The following RGR variants were observed in gnomAD, a reference collection of about 807,000 sequenced individuals.
The protein encoded by RGR is RPE-retinal G protein-coupled receptor.
A neutral mutation model predicts 28.6 loss-of-function variants in RGR; 30 were observed. The ratio of observed to expected loss-of-function variants is 1.05; its 90% CI spans 0.78 to 1.42. The LOEUF (loss-of-function observed/expected upper bound fraction) is 1.42, where lower values mean the gene tolerates loss of function less well. Among genes scored for constraint, RGR ranks in the 40% most tolerant of loss-of-function variants. The pLI, the probability that RGR is intolerant of heterozygous loss-of-function variation, is 0.00. For synonymous variants in RGR, 180 were observed against 156.4 expected (o/e 1.15, Z -1.13); for missense variants, 404 against 375.6 (o/e 1.08, Z -0.62).
chr10:84,253,268 G>A (rs573459440), intron 4 of RGR, among the ~76,000 whole-genome samples: 2 of 152,234 alleles, frequency 1.3e-5, no homozygotes, highest in Admixed American at 1.3e-4. Context: ...CATCATACAG[G>A]GAGCCATTGG....
rs1193660118 is a variant in RGR, at chr10:84,259,830, TATATATTCTGG to T, written c.*1206_*1216del. ...TATTCTGGATAATATATAATAGTCT[TATATATTCTGG>T]ATATATTCTGGATACATGGTTTGCA... On this transcript the variant is annotated 3_prime_UTR_variant, in exon 7 of 7. Coordinates refer to ENST00000652092, the MANE Select transcript of RGR (RefSeq NM_001012720.2). The T allele has an allele frequency of 4.6e-5, 7 of 152,200 alleles. No homozygotes were observed. The highest frequency in any genetic ancestry group is 9.6e-5 in the African/African-American group (4 of 41,460). 9.4% of individuals were successfully genotyped at this position (152,200 alleles called of 1,614,324 possible). A position where few individuals can be genotyped will look rare whatever the true frequency, so the allele number is the denominator to read the frequency against.
At position 84,245,117 on chromosome 10, in the gene RGR, T is replaced by C. The variant is rs2279227; in HGVS notation, c.27T>C (p.Thr9=). 814,740 of 1,612,688 alleles carry C rather than the reference T, an allele frequency of 0.51. 213,389 individuals are homozygous for C. Among genetic ancestry groups the C allele is most frequent in the African/African-American group, 0.91 (68,225 of 74,934 alleles). The change falls in exon 1 of 7, where the codon ACT becomes ACC. Residue 9 remains threonine, a synonymous_variant. Transcript: ENST00000652092. MAETSALP[T]GFGELEVLAV... ...TGGCAGAGACCAGTGCCCTGCCCAC[T>C]GGCTTCGGGGAGCTCGAGGTGCTGG...
chr10:84,249,039 C>A lies in RGR; in HGVS notation c.354C>A (p.Cys118Ter). 1.9e-6 allele frequency: 3 copies of A among 1,613,946 alleles called. No homozygotes were observed. The highest frequency in any genetic ancestry group is 2.5e-6 in the Non-Finnish European group (3 of 1,179,858). ...AIAWGRYHHY[C>*]TRSQLAWNSA... ...CATGGGGGCGTTATCACCACTACTGCACCCGTATGTATCTGGGCTCCTGGA... is the reference window on the plus strand; with the variant it reads ...CATGGGGGCGTTATCACCACTACTGAACCCGTATGTATCTGGGCTCCTGGA... Residue 118 changes from cysteine (C) to a stop codon, truncating the protein, a stop_gained, in exon 3 of 7, where the codon TGC becomes TGA. Transcript: ENST00000652092. LOFTEE classifies it high-confidence loss of function.
chr10:84,255,146 G>T, intron 5 of RGR: 1 of 156,152 alleles, frequency 6.4e-6, no homozygotes, highest in Admixed American at 6.1e-5. Flanking sequence ...GGGACACCAG[G>T]GAATATGAAC....
In RGR at chr10:84,259,692, T is replaced by G. The variant is rs1002947959; in HGVS notation, c.*1053T>G. The G allele has an allele frequency of 6.6e-6, 1 of 152,174 alleles. No individual in the cohort carries two copies. The highest frequency in any genetic ancestry group is 1.5e-5 in the Non-Finnish European group (1 of 68,030). The allele number at this position is 152,174 out of a possible 1,614,324, so 9.4% of individuals were successfully genotyped here. A position where few individuals can be genotyped will look rare whatever the true frequency, so the allele number is the denominator to read the frequency against. On this transcript the variant is annotated 3_prime_UTR_variant, in exon 7 of 7. Coordinates refer to ENST00000652092, the MANE Select transcript of RGR (RefSeq NM_001012720.2). ...TTCTTAGCCACGTGTATGTATTCTT[T>G]TTGAAAAAATGTTTATTCATGTCTT...
chr10:84,257,347 G>T (rs1444597242), intron 5 of RGR, among the ~76,000 whole-genome samples: 21 of 151,136 alleles, frequency 1.4e-4, no homozygotes, highest in Admixed American at 1.4e-3. Flanking sequence ...CTGTAGCTGT[G>T]GATGACGAGT....
intron 1 of RGR, among the ~76,000 whole-genome samples, chr10:84,245,394 G>C (rs921893918): frequency 1.3e-5 from 2 of 152,196 alleles, no homozygotes; most frequent in Non-Finnish European, 2.9e-5. Flanking sequence ...GCCAGGCAAG[G>C]GTCAGGGAGG....
chr10:84,248,060 A>C (rs1462339094), intron 2 of RGR: 10 of 566,730 alleles, frequency 1.8e-5, no homozygotes, highest in Non-Finnish European at 2.6e-5. Context: ...TTCTTCCATA[A>C]ATCGGATATT....
At chr10:84,252,519 T>C (rs1047066381) in intron 3 of RGR, among the ~76,000 whole-genome samples, 30 of 152,202 alleles carry the variant, frequency 2.0e-4, no homozygotes, top group Non-Finnish European at 3.4e-4. Context: ...GAGGCAAGGA[T>C]TATCATTCCC....
chr10:84,250,274 T>A (rs1429515099), intron 3 of RGR: 2 of 703,554 alleles, frequency 2.8e-6, no homozygotes, highest in Non-Finnish European at 5.3e-6. Flanking sequence ...AACCATGGCA[T>A]GTCCTCTTTG....
intron 1 of RGR, among the ~76,000 whole-genome samples, chr10:84,246,004 T>A (rs371483303): frequency 6.2e-4 from 94 of 152,284 alleles, no homozygotes; most frequent in African/African-American, 2.2e-3. Flanking sequence ...GTGACAGTCA[T>A]TAGATTGGTC....
rs574514903 is a variant in RGR at position 84,246,054 on chromosome 10, G to A, written c.79+885G>A. 1.3e-3 allele frequency among the ~76,000 whole-genome samples: 194 copies of A among 152,284 alleles called. 5 individuals are homozygous for A. In the South Asian group the frequency reaches 0.035, roughly 27 times the overall value. Reference sequence around the variant, plus strand: ...CACGACTGTCTGGTGGCCCCAGCCCGTGTCTCCCTTTCCTGAGAACCCTAC... The same window carrying A: ...CACGACTGTCTGGTGGCCCCAGCCCATGTCTCCCTTTCCTGAGAACCCTAC... On this transcript the variant is annotated intron_variant, in intron 1 of 6. Coordinates refer to ENST00000652092, the MANE Select transcript of RGR (RefSeq NM_001012720.2).
rs758993028 is a variant in RGR at position 84,249,038 on chromosome 10, G to A, written c.353G>A (p.Cys118Tyr). 6 of 1,613,974 alleles carry A rather than the reference G, an allele frequency of 3.7e-6. No individual in the cohort carries two copies. The East Asian group carries it at 8.9e-5, about 24-fold the overall frequency. The change falls in exon 3 of 7, where the codon TGC becomes TAC. Residue 118 changes from cysteine (C) to tyrosine (Y), a missense_variant. By Grantham distance (194) the Cys-to-Tyr change is radical (BLOSUM62 -2). Coordinates refer to ENST00000652092, the MANE Select transcript of RGR (RefSeq NM_001012720.2). ...AIAWGRYHHY[C>Y]TRSQLAWNSA... ...GCATGGGGGCGTTATCACCACTACTGCACCCGTATGTATCTGGGCTCCTGG... is the reference window on the plus strand; with the variant it reads ...GCATGGGGGCGTTATCACCACTACTACACCCGTATGTATCTGGGCTCCTGG...
intron 2 of RGR, chr10:84,247,989 TG>T: frequency 1.5e-6 from 1 of 656,990 alleles, no homozygotes; most frequent in African/African-American, 1.8e-5. Flanking sequence ...ATCAATGGTG[TG>T]GGTTCTGTAA....
intron 3 of RGR, 122 bp from the exon 4 acceptor site, chr10:84,252,735 G>A: frequency 2.4e-6 from 3 of 1,258,272 alleles, no homozygotes; most frequent in East Asian, 2.3e-5. Context: ...CCAGCACTTT[G>A]GGAGACTGAG....
intron 3 of RGR, chr10:84,250,782 A>G (rs772607532): frequency 1.1e-5 from 3 of 260,992 alleles, no homozygotes; most frequent in Non-Finnish European, 2.3e-5. Context: ...AGGCAGCACA[A>G]TGGTCCAGGT....
intron 5 of RGR, among the ~76,000 whole-genome samples, chr10:84,257,584 G>C (rs111634214): frequency 0.019 from 2,832 of 152,318 alleles, 94 homozygotes; most frequent in African/African-American, 0.066. Context: ...GACAAACAAA[G>C]AGTACAGACC....
chr10:84,249,917 T>G (rs1238066098), intron 3 of RGR, among the ~76,000 whole-genome samples: 1 of 152,218 alleles, frequency 6.6e-6, no homozygotes, highest in Non-Finnish European at 1.5e-5. Flanking sequence ...TTTTAAAATG[T>G]AAACACCTGC....
chr10:84,246,877 T>A (rs1055411196), intron 1 of RGR, among the ~76,000 whole-genome samples: 1 of 152,258 alleles, frequency 6.6e-6, no homozygotes, highest in Admixed American at 6.5e-5. Flanking sequence ...TGATGGTCAT[T>A]CTTATAGGAG....
Sources: gnomAD v4.1 joint callset for allele counts (sites outside exome capture counted in the v4.1 genomes callset) on GRCh38, gnomAD v4.1.1 for gene constraint, MANE v1.5 for transcripts, NCBI Gene and HGNC (gene_info 2026-07-23, HGNC 2026-07-21) for gene names.